Variants in SV2C observed in about 807,000 individuals in gnomAD.
The protein encoded by SV2C is synaptic vesicle glycoprotein 2C.
Under a neutral mutation model 79.7 loss-of-function variants are expected in SV2C, and 49 were observed. The observed-to-expected ratio is 0.61, with a 90% CI of 0.49 to 0.78. The LOEUF is 0.78. Among genes scored for constraint, SV2C ranks in the 30% least tolerant of loss-of-function variants. SV2C has a pLI of 0.00. For missense variants in SV2C, 833 were observed against 912.9 expected, an observed-to-expected ratio of 0.91 and a Z score of 1.13; for synonymous variants, 334 against 333.2, an observed-to-expected ratio of 1.00 and a Z score of -0.03.
the SV2C span, among the ~76,000 whole-genome samples, chr5:75,894,554 A>T: frequency 1.3e-5 from 2 of 151,942 alleles, no homozygotes; most frequent in Admixed American, 1.3e-4. Flanking sequence ...TCATTATTTG[A>T]CCTGTCTGGT....
At chr5:75,937,091 T>C in the SV2C span, among the ~76,000 whole-genome samples, 1 of 152,222 alleles carries the variant, frequency 6.6e-6, no homozygotes, top group Non-Finnish European at 1.5e-5. Flanking sequence ...CACTAATCTG[T>C]ATTTAGCAAT....
chr5:76,272,419 A>G (rs1746900864), intron 4 of SV2C, among the ~76,000 whole-genome samples: 1 of 152,228 alleles, frequency 6.6e-6, no homozygotes, highest in African/African-American at 2.4e-5. Flanking sequence ...TTGATCTGGA[A>G]GAGAATGAGA....
At chr5:75,912,537 C>T in the SV2C span, among the ~76,000 whole-genome samples, 9 of 152,204 alleles carry the variant, frequency 5.9e-5, no homozygotes, top group South Asian at 1.9e-3. Flanking sequence ...AGAAAACCCC[C>T]CACAACTCTT....
chr5:75,913,969 A>T, the SV2C span, among the ~76,000 whole-genome samples: 43 of 152,326 alleles, frequency 2.8e-4, no homozygotes, highest in African/African-American at 9.6e-4. Flanking sequence ...AGTTAAAAAA[A>T]AAACACACCT....
chr5:76,082,555 C>T (rs1171089552), upstream of SV2C, among the ~76,000 whole-genome samples: 1 of 150,586 alleles, frequency 6.6e-6, no homozygotes, highest in African/African-American at 2.5e-5. Context: ...TCTCCCTCCT[C>T]CTCCTTTCTT....
At chr5:76,003,037 G>A in the SV2C span, among the ~76,000 whole-genome samples, 5 of 152,022 alleles carry the variant, frequency 3.3e-5, no homozygotes, top group Admixed American at 2.0e-4. Context: ...TGCTGTTCTC[G>A]TGATAGTGAG....
intron 4 of SV2C, among the ~76,000 whole-genome samples, chr5:76,263,405 T>C (rs1746547002): frequency 6.6e-6 from 1 of 152,156 alleles, no homozygotes; most frequent in South Asian, 2.1e-4. Flanking sequence ...TGATAGGTCT[T>C]GACTCTTTAT....
chr5:76,049,531 G>C, the SV2C span, among the ~76,000 whole-genome samples: 2 of 152,150 alleles, frequency 1.3e-5, no homozygotes, highest in South Asian at 2.1e-4. Flanking sequence ...TGGTTGGCAG[G>C]ATAATTGAAG....
the SV2C span, among the ~76,000 whole-genome samples, chr5:75,851,419 C>T: frequency 6.6e-6 from 1 of 152,118 alleles, no homozygotes. Context: ...AGGAAATAGC[C>T]GGTGTAGGCA....
chr5:76,160,619 G>A (rs984761644), intron 2 of SV2C, among the ~76,000 whole-genome samples: 1 of 152,002 alleles, frequency 6.6e-6, no homozygotes, highest in Non-Finnish European at 1.5e-5. Context: ...CCACAGAATG[G>A]GAGAAAATAT....
intron 4 of SV2C, among the ~76,000 whole-genome samples, chr5:76,253,239 A>C (rs1454689490): frequency 3.9e-5 from 6 of 152,222 alleles, no homozygotes; most frequent in Non-Finnish European, 8.8e-5. Context: ...TCAAAGAGAA[A>C]GAAGAAACAT....
chr5:75,974,482 AT>A, the SV2C span, among the ~76,000 whole-genome samples: 1 of 152,046 alleles, frequency 6.6e-6, no homozygotes, highest in South Asian at 2.1e-4. Context: ...ATCAAATGGA[AT>A]GACCGTTCTT....
the SV2C span, among the ~76,000 whole-genome samples, chr5:75,903,442 T>A: frequency 6.6e-6 from 1 of 152,132 alleles, no homozygotes; most frequent in Non-Finnish European, 1.5e-5. Flanking sequence ...CAGGTTTTTG[T>A]CTTTGCTAAT....
chr5:75,969,414 G>T, the SV2C span, among the ~76,000 whole-genome samples: 4 of 152,118 alleles, frequency 2.6e-5, no homozygotes, highest in African/African-American at 9.7e-5. Context: ...TAAGTGTGCT[G>T]TATTCAGGAA....
intron 1 of SV2C, among the ~76,000 whole-genome samples, chr5:76,103,253 G>A (rs185243475): frequency 1.3e-5 from 2 of 152,156 alleles, no homozygotes; most frequent in Non-Finnish European, 2.9e-5. Context: ...CAGGGAGAGA[G>A]AGAGAGAAAC....
chr5:76,267,248 T>C (rs2972827), intron 4 of SV2C, among the ~76,000 whole-genome samples: 126,606 of 152,142 alleles, frequency 0.83, 52,888 homozygotes, highest in Middle Eastern at 0.91. Flanking sequence ...AGAGACATAC[T>C]AGCTACAAGG....
At chr5:76,313,233 C>T (rs991078905) in intron 12 of SV2C, among the ~76,000 whole-genome samples, 19 of 152,178 alleles carry the variant, frequency 1.2e-4, no homozygotes, top group Non-Finnish European at 2.5e-4. Context: ...AAATATCTCA[C>T]TTATTTGTGA....
rs182345674 is a variant in SV2C, at chr5:76,112,754, C to T, written c.-101-18896C>T. 1.0e-3 allele frequency among the ~76,000 whole-genome samples: 154 copies of T among 152,268 alleles called. 1 individual carries two copies. Among genetic ancestry groups the T allele is most frequent in the Non-Finnish European group, 6.8e-4 (46 of 68,014 alleles). On this transcript the variant is annotated intron_variant, in intron 1 of 12. Transcript: ENST00000502798. ...GGCCATAAACCTTCTTTTTTAGGAA[C>T]ACTTTAAAATTGTTTCCCATAATGA...
intron 3 of SV2C, among the ~76,000 whole-genome samples, chr5:76,197,702 A>G (rs1379256118): frequency 2.1e-4 from 32 of 149,960 alleles, no homozygotes; most frequent in Non-Finnish European, 3.4e-4. Context: ...GAATAGATAG[A>G]CAGGCAGATA....
Sources: gnomAD v4.1 joint callset for allele counts (sites outside exome capture counted in the v4.1 genomes callset) on GRCh38, gnomAD v4.1.1 for gene constraint, MANE v1.5 for transcripts, NCBI Gene and HGNC (gene_info 2026-07-23, HGNC 2026-07-21) for gene names.